Variants in F13A1 observed in about 807,000 individuals in gnomAD.
The protein encoded by F13A1 is coagulation factor XIII A chain, also known as FSF, A subunit.
A neutral mutation model predicts 80.1 loss-of-function variants in F13A1; 47 were observed. That is an observed-to-expected ratio of 0.59 (90% CI 0.46 to 0.75). The LOEUF (loss-of-function observed/expected upper bound fraction) is 0.75. F13A1 is among the 30% of genes least tolerant of loss of function. The pLI, the probability that F13A1 is intolerant of heterozygous loss-of-function variation, is 0.00. For synonymous variants in F13A1, 349 were observed against 344.9 expected, an observed-to-expected ratio of 1.01 and a Z score of -0.13; for missense variants, 817 against 930.4, an observed-to-expected ratio of 0.88 and a Z score of 1.59.
At chr6:6,251,217 C>T (rs1757627861) in intron 4 of F13A1, among the ~76,000 whole-genome samples, 1 of 152,188 alleles carries the variant, frequency 6.6e-6, no homozygotes, top group Non-Finnish European at 1.5e-5. Context: ...TCTCATTAAA[C>T]ATTTTATGAT....
intron 4 of F13A1, among the ~76,000 whole-genome samples, chr6:6,256,684 C>T (rs1474106883): frequency 2.0e-5 from 3 of 152,114 alleles, no homozygotes; most frequent in Admixed American, 6.5e-5. Context: ...ACTGTCCTCC[C>T]GACCCAGAGA....
chr6:6,196,183 T>C (rs1472809112), intron 9 of F13A1, among the ~76,000 whole-genome samples: 1 of 152,236 alleles, frequency 6.6e-6, no homozygotes, highest in Non-Finnish European at 1.5e-5. Context: ...AGCATTTATC[T>C]CTTGTTCAGG....
At chr6:6,276,857 A>G (rs1757995625) in intron 3 of F13A1, among the ~76,000 whole-genome samples, 1 of 152,138 alleles carries the variant, frequency 6.6e-6, no homozygotes, top group Non-Finnish European at 1.5e-5. Flanking sequence ...TACTAAACTT[A>G]TTTTATTTTT....
At chr6:6,156,722 A>C (rs972007681) in intron 13 of F13A1, among the ~76,000 whole-genome samples, 13 of 152,214 alleles carry the variant, frequency 8.5e-5, no homozygotes, top group African/African-American at 2.7e-4. Context: ...AAATGTTCTC[A>C]GTCTATATTT....
chr6:6,199,380 C>A (rs1055212174), intron 8 of F13A1, among the ~76,000 whole-genome samples: 1 of 151,992 alleles, frequency 6.6e-6, no homozygotes, highest in African/African-American at 2.4e-5. Flanking sequence ...GTCCCAGCTA[C>A]TCGGGAGGCT....
At position 6,243,241 on chromosome 6, in the gene F13A1, CCACCACCAT is replaced by C. The variant is rs1561665927; in HGVS notation, c.798+5062_798+5070del. On this transcript the variant is annotated intron_variant, in intron 6 of 14. Coordinates refer to ENST00000264870, the MANE Select transcript of F13A1 (RefSeq NM_000129.4). This position sits in a 1 kb window ranked among gnomAD's most constrained non-coding sequence, Gnocchi z 4.2. ...ACCACCATCACCGTCACCATCTCCA[CCACCACCAT>C]CACCATCATCATCACTATCACCACC... 1.3e-5 allele frequency among the ~76,000 whole-genome samples: 2 copies of C among 151,844 alleles called. No individual in the cohort carries two copies. Among genetic ancestry groups the C allele is most frequent in the South Asian group, 4.2e-4 (2 of 4,762 alleles).
chr6:6,178,003 C>A (rs2151076060), intron 11 of F13A1, among the ~76,000 whole-genome samples: 1 of 113,248 alleles, frequency 8.8e-6, no homozygotes. Context: ...TAGCAAGAGG[C>A]TTTGTGAGTT....
chr6:6,145,694 G>A lies in F13A1; in HGVS notation c.2124C>T (p.Ala708=). The A allele has an allele frequency of 1.2e-6, 2 of 1,614,102 alleles. No homozygotes were observed. Among genetic ancestry groups the A allele is most frequent in the Non-Finnish European group, 1.7e-6 (2 of 1,179,990 alleles). Residue 708 remains alanine (A), a synonymous_variant, in exon 15 of 15, where the codon GCC becomes GCT. Coordinates refer to ENST00000264870, the MANE Select transcript of F13A1 (RefSeq NM_000129.4). The part of the protein sequence containing the change: ...PWVSGHRKLI[A]SMSSDSLRHV... Reference sequence around the variant, plus strand: ...GTCTCAGGGAGTCACTGCTCATGCTGGCTATCAGCTTCCGATGCCCAGAGA... The same window carrying A: ...GTCTCAGGGAGTCACTGCTCATGCTAGCTATCAGCTTCCGATGCCCAGAGA...
chr6:6,249,386 T>C (rs775099591), intron 5 of F13A1, among the ~76,000 whole-genome samples: 26 of 152,226 alleles, frequency 1.7e-4, no homozygotes, highest in Non-Finnish European at 3.2e-4. Context: ...CTCTCAGCTG[T>C]GTTTGCTGGG....
chr6:6,244,160 G>A (rs1329552678), intron 6 of F13A1, among the ~76,000 whole-genome samples: 5 of 152,144 alleles, frequency 3.3e-5, no homozygotes, highest in African/African-American at 9.7e-5. Context: ...GCAATAGAAT[G>A]CTTTATTAAT....
At chr6:6,268,180 G>A (rs1431053565) in intron 3 of F13A1, among the ~76,000 whole-genome samples, 2 of 152,178 alleles carry the variant, frequency 1.3e-5, no homozygotes, top group Non-Finnish European at 2.9e-5. Flanking sequence ...TATCCTAAGT[G>A]CTAAGGATAC....
chr6:6,172,819 AAGTT>A (rs1409341043), intron 12 of F13A1, among the ~76,000 whole-genome samples: 1 of 152,124 alleles, frequency 6.6e-6, no homozygotes, highest in African/African-American at 2.4e-5. Flanking sequence ...AAATTTGAGT[AAGTT>A]CCTTGGAATT....
intron 14 of F13A1, among the ~76,000 whole-genome samples, chr6:6,149,274 G>A (rs1321675942): frequency 1.3e-5 from 2 of 152,128 alleles, no homozygotes; most frequent in South Asian, 2.1e-4. Context: ...TAAATACTCC[G>A]ATTTGATCAT....
At chr6:6,248,899 A>G (rs1438932461) in intron 5 of F13A1, among the ~76,000 whole-genome samples, 1 of 152,204 alleles carries the variant, frequency 6.6e-6, no homozygotes, top group African/African-American at 2.4e-5. Flanking sequence ...TGCACCCAAA[A>G]TAGTAGGAGA....
At chr6:6,190,854 T>G (rs2151080311) in intron 10 of F13A1, among the ~76,000 whole-genome samples, 2 of 152,156 alleles carry the variant, frequency 1.3e-5, no homozygotes, top group Admixed American at 1.3e-4. Context: ...GATCTCAGAC[T>G]GCTGTGCTAG....
intron 2 of F13A1, among the ~76,000 whole-genome samples, chr6:6,307,914 T>C (rs761359220): frequency 2.6e-5 from 4 of 152,222 alleles, no homozygotes; most frequent in Admixed American, 6.5e-5. Flanking sequence ...TAGATAAATA[T>C]AGAATAAGTC....
At chr6:6,314,539 C>T (rs144500695) in intron 2 of F13A1, among the ~76,000 whole-genome samples, 17 of 152,262 alleles carry the variant, frequency 1.1e-4, no homozygotes, top group Non-Finnish European at 1.6e-4. Context: ...CTCTAAGTCT[C>T]GGCTCCAATA....
intron 7 of F13A1, 86 bp from the exon 8 acceptor site, chr6:6,222,257 C>T: frequency 6.5e-7 from 1 of 1,549,552 alleles, no homozygotes; most frequent in Non-Finnish European, 8.9e-7. Context: ...AGGGGACTTT[C>T]TTCCTGACCC....
chr6:6,227,487 A>G (rs1757292370), intron 6 of F13A1, among the ~76,000 whole-genome samples: 1 of 152,220 alleles, frequency 6.6e-6, no homozygotes, highest in Admixed American at 6.5e-5. Flanking sequence ...TTAGCCAAAC[A>G]TTATGGCTAT....
Sources: allele counts gnomAD v4.1 joint callset (sites outside exome capture counted in the v4.1 genomes callset), GRCh38; gene constraint gnomAD v4.1.1; non-coding constraint Gnocchi (gnomAD v3.1); transcripts MANE v1.5; gene names NCBI Gene and HGNC (gene_info 2026-07-23, HGNC 2026-07-21).